AFF1: variants seen among roughly 807,000 people sequenced by gnomAD.
AFF1 encodes the protein AF4/FMR2 family member 1.
Under a neutral mutation model 121.7 loss-of-function variants are expected in AFF1, and 48 were observed. The ratio of observed to expected loss-of-function variants is 0.39; its 90% confidence interval spans 0.31 to 0.50. The LOEUF (loss-of-function observed/expected upper bound fraction) is 0.50, where lower values mean the gene tolerates loss of function less well. Among genes scored for constraint, AFF1 ranks in the 20% least tolerant of loss-of-function variants. The pLI is 0.76. For synonymous variants in AFF1, 613 were observed against 563.0 expected (o/e 1.09, Z -1.26); for missense variants, 1,523 against 1,511.7 (o/e 1.01, Z -0.12).
chr4:87,104,862 A>T (rs945447930), intron 8 of AFF1, among the ~76,000 whole-genome samples: 19 of 144,158 alleles, frequency 1.3e-4, no homozygotes, highest in Admixed American at 7.6e-4. Flanking sequence ...GTTTGAGGAA[A>T]TTTTTTTTTT....
chr4:86,996,103 G>A (rs1046599563), intron 2 of AFF1, among the ~76,000 whole-genome samples: 2 of 151,448 alleles, frequency 1.3e-5, no homozygotes, highest in East Asian at 4.0e-4. Context: ...AGGGAGGTGG[G>A]GGGGTCAGGC....
intron 2 of AFF1, among the ~76,000 whole-genome samples, chr4:86,977,232 A>G (rs143420585): frequency 1.1e-4 from 16 of 152,298 alleles, no homozygotes; most frequent in African/African-American, 3.8e-4. Flanking sequence ...TCATAACTGA[A>G]ACAGCTACTG....
At chr4:87,030,522 G>T (rs962934909) in intron 2 of AFF1, among the ~76,000 whole-genome samples, 1 of 152,074 alleles carries the variant, frequency 6.6e-6, no homozygotes, top group East Asian at 1.9e-4. Context: ...CCCCTTTGCC[G>T]CTGGCAGTCT....
chr4:87,085,788 G>T (rs986291260), intron 5 of AFF1, among the ~76,000 whole-genome samples: 2 of 146,688 alleles, frequency 1.4e-5, no homozygotes, highest in Admixed American at 7.1e-5. Flanking sequence ...TCTCTCTGTC[G>T]CTCAGGCTGG....
intron 4 of AFF1, among the ~76,000 whole-genome samples, chr4:87,051,196 A>G (rs1311094768): frequency 6.6e-6 from 1 of 152,198 alleles, no homozygotes; most frequent in Non-Finnish European, 1.5e-5. Flanking sequence ...TGTAGTTAAT[A>G]TCAGAGCCAG....
chr4:87,126,210 A>G lies in AFF1; in HGVS notation c.2685A>G (p.Glu895=). The G allele has an allele frequency of 1.2e-6, 2 of 1,614,148 alleles. No individual in the cohort carries two copies. Among genetic ancestry groups the G allele is most frequent in the Non-Finnish European group, 8.5e-7 (1 of 1,180,014 alleles). ...AKPALKRSRR[E]ADTCGQDPPK... ...CTGCACTTAAGAGGTCAAGGCGGGA[A>G]GCAGACACCTGTGGCCAGGACCCTC... Residue 895 remains glutamate, a synonymous_variant, in exon 14 of 21, where the codon GAA becomes GAG. Coordinates refer to ENST00000395146, the MANE Select transcript of AFF1 (RefSeq NM_001166693.3).
At chr4:86,951,416 G>A (rs968153719) in intron 2 of AFF1, among the ~76,000 whole-genome samples, 1 of 150,792 alleles carries the variant, frequency 6.6e-6, no homozygotes, top group African/African-American at 2.4e-5. Flanking sequence ...TTTTCAATTC[G>A]TTACAGTTCT....
chr4:86,943,548 T>C (rs1433668090), intron 1 of AFF1, among the ~76,000 whole-genome samples: 1 of 152,224 alleles, frequency 6.6e-6, no homozygotes. Context: ...ACTGGGGAGC[T>C]GCTTGCTCTG....
At chr4:87,057,032 A>G (rs1403003910) in intron 4 of AFF1, among the ~76,000 whole-genome samples, 1 of 152,366 alleles carries the variant, frequency 6.6e-6, no homozygotes, top group East Asian at 1.9e-4. Flanking sequence ...CAGAGTCCAC[A>G]GTCTTAACCA....
intron 2 of AFF1, among the ~76,000 whole-genome samples, chr4:87,041,923 G>A (rs1444166982): frequency 1.3e-5 from 2 of 151,562 alleles, no homozygotes; most frequent in African/African-American, 4.9e-5. Flanking sequence ...GCTGAGACAG[G>A]AGAATCACTT....
At chr4:87,049,789 G>T (rs894581224) in intron 4 of AFF1, 3 of 455,814 alleles carry the variant, frequency 6.6e-6, no homozygotes, top group Non-Finnish European at 1.3e-5. Flanking sequence ...AACTGAGGGG[G>T]TCAGACAGAT....
At chr4:87,005,152 T>A (rs1275089487) in intron 2 of AFF1, among the ~76,000 whole-genome samples, 1 of 152,186 alleles carries the variant, frequency 6.6e-6, no homozygotes, top group Non-Finnish European at 1.5e-5. Flanking sequence ...ATTTTTTGTG[T>A]TTTTGGTAGA....
intron 4 of AFF1, among the ~76,000 whole-genome samples, chr4:87,061,944 T>C (rs1227111218): frequency 6.6e-6 from 1 of 152,236 alleles, no homozygotes; most frequent in Non-Finnish European, 1.5e-5. Flanking sequence ...CATAGAGATG[T>C]TTTCCTACAA....
At chr4:87,055,032 C>G (rs542127357) in intron 4 of AFF1, among the ~76,000 whole-genome samples, 1 of 152,284 alleles carries the variant, frequency 6.6e-6, no homozygotes, top group South Asian at 2.1e-4. Flanking sequence ...GGCTGGAATG[C>G]AGTAGCACGA....
At chr4:86,937,893 AC>A (rs1720155197) in intron 1 of AFF1, among the ~76,000 whole-genome samples, 1 of 152,186 alleles carries the variant, frequency 6.6e-6, no homozygotes, top group South Asian at 2.1e-4. Flanking sequence ...GGTGGAAGCC[AC>A]CGTGCCTGGC....
At chr4:87,061,288 G>A (rs1467843327) in intron 4 of AFF1, among the ~76,000 whole-genome samples, 1 of 152,194 alleles carries the variant, frequency 6.6e-6, no homozygotes, top group East Asian at 1.9e-4. Flanking sequence ...GGAAGAGGCT[G>A]CCTCATTCCA....
At chr4:87,079,303 A>C (rs902136380) in intron 4 of AFF1, among the ~76,000 whole-genome samples, 59 of 152,210 alleles carry the variant, frequency 3.9e-4, no homozygotes, top group Admixed American at 6.5e-4. Context: ...TATTAAAACA[A>C]ACTGTCATGC....
intron 2 of AFF1, among the ~76,000 whole-genome samples, chr4:87,022,543 GATATAT>G (rs1156817444): frequency 0.022 from 1,728 of 80,108 alleles, 34 homozygotes; most frequent in African/African-American, 0.054. Flanking sequence ...CGTGCTTACA[GATATAT>G]ATATATATAT....
rs183766452 is a variant in AFF1 at position 87,075,907 on chromosome 4, G to A, written c.1060-8213G>A. On this transcript the variant is annotated intron_variant, in intron 4 of 20. Coordinates refer to ENST00000395146, the MANE Select transcript of AFF1 (RefSeq NM_001166693.3). Reference sequence around the variant, plus strand: ...TATGTATCTGAATTTTGTTTGAGATGTCATGACATGACAAAATCGAGTATT... The same window carrying A: ...TATGTATCTGAATTTTGTTTGAGATATCATGACATGACAAAATCGAGTATT... Among the ~76,000 whole-genome samples the A allele has an allele frequency of 5.9e-5, 9 of 152,254 alleles. No homozygotes were observed. The South Asian group carries it at 8.3e-4, about 14-fold the overall frequency.
Sources: gnomAD v4.1 joint callset for allele counts (sites outside exome capture counted in the v4.1 genomes callset) on GRCh38, gnomAD v4.1.1 for gene constraint, MANE v1.5 for transcripts, NCBI Gene and HGNC (gene_info 2026-07-23, HGNC 2026-07-21) for gene names.